EFCAB8: variants seen among roughly 807,000 people sequenced by gnomAD.
EFCAB8 encodes EF-hand calcium binding domain 8.
EFCAB8 carries 100 observed loss-of-function variants against 116.3 expected under a neutral mutation model. That is an observed-to-expected ratio of 0.86 (90% CI 0.73 to 1.02). The LOEUF (loss-of-function observed/expected upper bound fraction) is 1.02, where lower values mean the gene tolerates loss of function less well. EFCAB8 is among the 50% of genes least tolerant of loss of function. The pLI is 0.00. For missense variants in EFCAB8, 1,320 were observed against 1,416.9 expected, an observed-to-expected ratio of 0.93 and a Z score of 1.10; for synonymous variants, 558 against 567.9, an observed-to-expected ratio of 0.98 and a Z score of 0.25.
rs551131711 is a variant in EFCAB8, at chr20:32,876,070, A to G, written c.327+26A>G. 56 of 1,540,682 alleles carry G rather than the reference A, an allele frequency of 3.6e-5. No homozygotes were observed. The South Asian group carries it at 6.6e-4, about 18-fold the overall frequency. ...GTGAGGAGGGTGCCCCTGCTTCCTCAGGTGCTGGAGGGAGGCTGGAGGGTC... is the reference window on the plus strand; with the variant it reads ...GTGAGGAGGGTGCCCCTGCTTCCTCGGGTGCTGGAGGGAGGCTGGAGGGTC... On this transcript the variant is annotated intron_variant, in intron 4 of 26. Transcript: ENST00000400522.
intron 23 of EFCAB8, among the ~76,000 whole-genome samples, chr20:32,945,791 A>G (rs556426618): frequency 3.9e-5 from 6 of 152,146 alleles, no homozygotes; most frequent in Non-Finnish European, 7.3e-5. Flanking sequence ...TGCCTCCCCA[A>G]TCTTTTTTGT....
chr20:32,893,421 C>T lies in EFCAB8; in HGVS notation c.883+123C>T, dbSNP rs190362973. ...TGCTCTGGAGTCTCTGGGAAGGCGT[C>T]TGCTTCCAAGCGCAGGGTGCATGCC... On this transcript the variant is annotated intron_variant, in intron 9 of 26. Coordinates refer to ENST00000400522, the MANE Select transcript of EFCAB8 (RefSeq NM_001143967.2). The T allele has an allele frequency of 2.2e-4, 317 of 1,414,182 alleles. No individual in the cohort carries two copies. The African/African-American group carries it at 4.0e-3, about 18-fold the overall frequency. 87.6% of individuals were successfully genotyped at this position (1,414,182 alleles called of 1,614,324 possible). A position where few individuals can be genotyped will look rare whatever the true frequency, so the allele number is the denominator to read the frequency against.
Position 32,959,851 on chromosome 20 carries a change from G to A in EFCAB8, c.3163G>A (p.Gly1055Arg). The A allele has an allele frequency of 6.5e-7, 1 of 1,549,616 alleles. No homozygotes were observed. The highest frequency in any genetic ancestry group is 2.0e-5 in the Admixed American group (1 of 50,878). ...GGCGGCGCTGATGGCTCTCCTGCAT[G>A]GGAAGGCAGATAAGGAGGCAGACAC... ...EQAALMALLH[G>R]KADKEADTWA... Residue 1055 changes from glycine to arginine, a missense_variant, in exon 25 of 27, where the codon GGG becomes AGG. Physicochemically the swap from Gly to Arg is moderately radical, Grantham distance 125. Coordinates refer to ENST00000400522, the MANE Select transcript of EFCAB8 (RefSeq NM_001143967.2).
intron 6 of EFCAB8, 80 bp downstream of exon 6, chr20:32,885,720 C>T: frequency 5.3e-6 from 8 of 1,506,870 alleles, no homozygotes; most frequent in Non-Finnish European, 7.2e-6. Context: ...TGAAGGTGAC[C>T]TGGAGCCAGG....
intron 23 of EFCAB8, among the ~76,000 whole-genome samples, chr20:32,954,757 G>GAATTCTGT (rs1466180248): frequency 6.6e-6 from 1 of 152,104 alleles, no homozygotes; most frequent in Non-Finnish European, 1.5e-5. Context: ...AATAGGTGTT[G>GAATTCTGT]AATTCTGTCA....
At chr20:32,864,488 G>T (rs565981524) in intron 2 of EFCAB8, among the ~76,000 whole-genome samples, 2 of 152,090 alleles carry the variant, frequency 1.3e-5, no homozygotes, top group Admixed American at 6.6e-5. Flanking sequence ...AGGCTGAGGT[G>T]GGGGGATTGC....
At chr20:32,954,048 C>A (rs1988884496) in intron 23 of EFCAB8, among the ~76,000 whole-genome samples, 1 of 152,158 alleles carries the variant, frequency 6.6e-6, no homozygotes, top group Non-Finnish European at 1.5e-5. Flanking sequence ...TCAGGTGATA[C>A]ACCTGCCTCA....
At chr20:32,947,841 G>C (rs1988647130) in intron 23 of EFCAB8, among the ~76,000 whole-genome samples, 1 of 150,602 alleles carries the variant, frequency 6.6e-6, no homozygotes, top group South Asian at 2.1e-4. Context: ...GCAGGTGGGA[G>C]GATCATTTGA....
chr20:32,951,043 A>G (rs1600467272), intron 23 of EFCAB8, among the ~76,000 whole-genome samples: 1 of 152,232 alleles, frequency 6.6e-6, no homozygotes, highest in South Asian at 2.1e-4. Context: ...GCTGTAAGAT[A>G]CCATTTATCT....
intron 3 of EFCAB8, among the ~76,000 whole-genome samples, chr20:32,873,666 C>T (rs1474406673): frequency 6.6e-6 from 1 of 151,732 alleles, no homozygotes; most frequent in Non-Finnish European, 1.5e-5. Flanking sequence ...AGTTTGAGAG[C>T]AGCCTGGCCA....
chr20:32,888,110 C>A (rs916760917), intron 6 of EFCAB8, among the ~76,000 whole-genome samples: 10 of 151,892 alleles, frequency 6.6e-5, no homozygotes, highest in African/African-American at 2.4e-4. Flanking sequence ...GTCACCCAGG[C>A]TGGAGTGGAG....
At chr20:32,906,102 A>C (rs1176410820) in intron 11 of EFCAB8, among the ~76,000 whole-genome samples, 1 of 152,132 alleles carries the variant, frequency 6.6e-6, no homozygotes, top group Non-Finnish European at 1.5e-5. Context: ...GACCACACGT[A>C]GCCAGGGTGG....
chr20:32,886,671 G>A (rs1358336185), intron 6 of EFCAB8, among the ~76,000 whole-genome samples: 2 of 152,154 alleles, frequency 1.3e-5, no homozygotes, highest in East Asian at 3.9e-4. Flanking sequence ...TGTGGACTGG[G>A]GCAGGGTGTG....
chr20:32,864,581 T>TA (rs1273303533), intron 2 of EFCAB8, among the ~76,000 whole-genome samples: 12 of 151,874 alleles, frequency 7.9e-5, no homozygotes, highest in Admixed American at 6.6e-5. Context: ...ACCCTGTCTC[T>TA]AAAAAAACAA....
chr20:32,864,472 C>T (rs1211357908), intron 2 of EFCAB8, among the ~76,000 whole-genome samples: 5 of 152,144 alleles, frequency 3.3e-5, no homozygotes, highest in Non-Finnish European at 7.3e-5. Flanking sequence ...GTCCCCGCTA[C>T]TCCAGAGGCT....
chr20:32,892,453 C>G (rs1418534665), intron 8 of EFCAB8, among the ~76,000 whole-genome samples, 156 bp downstream of exon 8: 1 of 152,182 alleles, frequency 6.6e-6, no homozygotes, highest in Admixed American at 6.5e-5. Context: ...TCTTCCTCCC[C>G]ACCAGGCTGC....
intron 16 of EFCAB8, among the ~76,000 whole-genome samples, chr20:32,912,356 C>T (rs772341622): frequency 4.0e-5 from 6 of 149,370 alleles, no homozygotes; most frequent in Non-Finnish European, 7.4e-5. Flanking sequence ...CAGGACAAGC[C>T]GGGAGGTGGA....
chr20:32,951,882 A>G lies in EFCAB8; in HGVS notation c.2960-6539A>G, dbSNP rs184061652. Among the ~76,000 whole-genome samples, 7 of 152,330 alleles carry G rather than the reference A, an allele frequency of 4.6e-5. No homozygotes were observed. In the East Asian group the frequency reaches 9.6e-4, roughly 21 times the overall value. On this transcript the variant is annotated intron_variant, in intron 23 of 26. Transcript: ENST00000400522. The stretch of plus-strand genomic sequence containing the variant: ...GTTTTGAGAATGCTTTATTCTGGAT[A>G]CAAGTTCTTGATCAGATATGAGGTT...
intron 2 of EFCAB8, among the ~76,000 whole-genome samples, chr20:32,867,107 G>T (rs1296910904): frequency 6.6e-6 from 1 of 151,972 alleles, no homozygotes; most frequent in African/African-American, 2.4e-5. Context: ...TTTAGTAGAC[G>T]TGGGTTTCTA....
Sources: gnomAD v4.1 joint callset for allele counts (sites outside exome capture counted in the v4.1 genomes callset) on GRCh38, gnomAD v4.1.1 for gene constraint, MANE v1.5 for transcripts, NCBI Gene and HGNC (gene_info 2026-07-23, HGNC 2026-07-21) for gene names.